Variants in FBXL7 observed in about 807,000 individuals in gnomAD.
FBXL7 encodes the protein F-box/LRR-repeat protein 7.
A neutral mutation model predicts 38.3 loss-of-function variants in FBXL7; 12 were observed. The ratio of observed to expected loss-of-function variants is 0.31; its 90% CI spans 0.20 to 0.51. The LOEUF (loss-of-function observed/expected upper bound fraction) is 0.51. FBXL7 is among the 20% of genes least tolerant of loss of function. The pLI is 0.98. For missense variants in FBXL7, 567 were observed against 676.4 expected (o/e 0.84, Z 1.79); for synonymous variants, 297 against 300.9 (o/e 0.99, Z 0.13).
At chr5:15,916,925 A>C (rs1386253867) in intron 2 of FBXL7, among the ~76,000 whole-genome samples, 1 of 152,204 alleles carries the variant, frequency 6.6e-6, no homozygotes, top group Non-Finnish European at 1.5e-5. Flanking sequence ...TTTCCCATGA[A>C]GTCCTCAATA....
intron 2 of FBXL7, among the ~76,000 whole-genome samples, chr5:15,833,170 C>A (rs1738502796): frequency 6.6e-6 from 1 of 152,144 alleles, no homozygotes; most frequent in Admixed American, 6.5e-5. Context: ...TGAAAGCGGA[C>A]TAATACACTT....
intron 2 of FBXL7, among the ~76,000 whole-genome samples, chr5:15,891,094 A>G (rs1740885474): frequency 6.6e-6 from 1 of 152,192 alleles, no homozygotes; most frequent in Non-Finnish European, 1.5e-5. Flanking sequence ...TACCATTTAG[A>G]TACTCAGGGT....
chr5:15,633,465 C>G (rs1020890802), intron 2 of FBXL7, among the ~76,000 whole-genome samples: 7 of 152,038 alleles, frequency 4.6e-5, no homozygotes, highest in Non-Finnish European at 1.0e-4. Context: ...AAAAAAATAA[C>G]CAATCTAAAA....
At chr5:15,856,824 C>G (rs188578924) in intron 2 of FBXL7, among the ~76,000 whole-genome samples, 5 of 152,002 alleles carry the variant, frequency 3.3e-5, no homozygotes, top group Admixed American at 3.3e-4. Flanking sequence ...ATGACTCCTT[C>G]CAAACTCCTT....
chr5:15,770,884 G>A (rs1394656), intron 2 of FBXL7, among the ~76,000 whole-genome samples: 54 of 151,996 alleles, frequency 3.6e-4, no homozygotes, highest in Non-Finnish European at 4.1e-4. Flanking sequence ...TTGTACCCAT[G>A]ATGAGGCAGG....
At chr5:15,656,858 T>C (rs1212711138) in intron 2 of FBXL7, among the ~76,000 whole-genome samples, 1 of 152,112 alleles carries the variant, frequency 6.6e-6, no homozygotes, top group Non-Finnish European at 1.5e-5. Context: ...ATTAATTTAT[T>C]AATATAAATC....
chr5:15,560,537 C>T (rs1738380204), intron 1 of FBXL7, among the ~76,000 whole-genome samples: 1 of 152,170 alleles, frequency 6.6e-6, no homozygotes, highest in East Asian at 1.9e-4. Flanking sequence ...GAATTAATCT[C>T]TTTTCAGGTG....
At chr5:15,539,787 T>C (rs1737686195) in intron 1 of FBXL7, among the ~76,000 whole-genome samples, 1 of 152,260 alleles carries the variant, frequency 6.6e-6, no homozygotes, top group South Asian at 2.1e-4. Flanking sequence ...ACAGTGGCAC[T>C]CTGCGTTTAA....
At chr5:15,866,403 G>A (rs75723264) in intron 2 of FBXL7, among the ~76,000 whole-genome samples, 1 of 152,180 alleles carries the variant, frequency 6.6e-6, no homozygotes, top group Non-Finnish European at 1.5e-5. Flanking sequence ...ACATTCACAG[G>A]TTGTGAATAC....
chr5:15,636,961 T>TTTG (rs34970984), intron 2 of FBXL7, among the ~76,000 whole-genome samples: 53,664 of 151,632 alleles, frequency 0.35, 9,765 homozygotes, highest in East Asian at 0.51. Flanking sequence ...CAGAAATTTT[T>TTTG]TTGTTGTTTT....
At chr5:15,680,189 AGCTC>A (rs1396353771) in intron 2 of FBXL7, among the ~76,000 whole-genome samples, 1 of 152,220 alleles carries the variant, frequency 6.6e-6, no homozygotes, top group Non-Finnish European at 1.5e-5. Flanking sequence ...TGAAAAAGGC[AGCTC>A]TTCCCAAAGA....
intron 2 of FBXL7, among the ~76,000 whole-genome samples, chr5:15,847,091 A>T (rs965406832): frequency 6.6e-6 from 1 of 152,152 alleles, no homozygotes; most frequent in African/African-American, 2.4e-5. Flanking sequence ...CAGAGTTTTA[A>T]AGGAAGCACT....
At chr5:15,564,346 A>G (rs1738500336) in intron 1 of FBXL7, among the ~76,000 whole-genome samples, 1 of 151,036 alleles carries the variant, frequency 6.6e-6, no homozygotes, top group South Asian at 2.1e-4. Flanking sequence ...CCATCAGTTG[A>G]GTGAATAGGA....
chr5:15,779,823 T>A (rs998110446), intron 2 of FBXL7, among the ~76,000 whole-genome samples: 2 of 152,198 alleles, frequency 1.3e-5, no homozygotes, highest in African/African-American at 4.8e-5. Flanking sequence ...CAGAACTCAA[T>A]GAGCACTTTA....
intron 2 of FBXL7, among the ~76,000 whole-genome samples, chr5:15,665,893 G>A (rs2126590525): frequency 6.6e-6 from 1 of 152,242 alleles, no homozygotes; most frequent in Admixed American, 6.5e-5. Flanking sequence ...CATTTTAAAT[G>A]ATAGTTTTAG....
chr5:15,659,675 T>A (rs1182187346), intron 2 of FBXL7, among the ~76,000 whole-genome samples: 1 of 152,156 alleles, frequency 6.6e-6, no homozygotes, highest in Admixed American at 6.5e-5. Flanking sequence ...AGAAGGAGAA[T>A]GATGGTGTAA....
chr5:15,901,692 C>T (rs533516202), intron 2 of FBXL7, among the ~76,000 whole-genome samples: 4 of 152,240 alleles, frequency 2.6e-5, no homozygotes, highest in South Asian at 2.1e-4. Context: ...CTGAGTAGGA[C>T]GAAGACCTGG....
chr5:15,656,190 C>A (rs1741876296), intron 2 of FBXL7, among the ~76,000 whole-genome samples: 1 of 152,146 alleles, frequency 6.6e-6, no homozygotes, highest in African/African-American at 2.4e-5. Context: ...ACAATGCTTG[C>A]TAAAGCCTTA....
intron 2 of FBXL7, among the ~76,000 whole-genome samples, chr5:15,849,915 C>G (rs1739042401): frequency 6.6e-6 from 1 of 152,176 alleles, no homozygotes; most frequent in Non-Finnish European, 1.5e-5. Context: ...GAAGCACTCT[C>G]ATTTTTCCCA....
Sources: allele counts gnomAD v4.1 joint callset (sites outside exome capture counted in the v4.1 genomes callset), GRCh38; gene constraint gnomAD v4.1.1; transcripts MANE v1.5; gene names NCBI Gene and HGNC (gene_info 2026-07-23, HGNC 2026-07-21).